PIP5K1B: variants seen among roughly 807,000 people sequenced by gnomAD.
PIP5K1B encodes phosphatidylinositol 4-phosphate 5-kinase type-1 beta.
In PIP5K1B, 42 loss-of-function variants were observed where a neutral mutation model predicts 67.0. That is an observed-to-expected ratio of 0.63 (90% CI 0.49 to 0.81). PIP5K1B has a LOEUF of 0.81. PIP5K1B is among the 30% of genes least tolerant of loss of function. PIP5K1B has a pLI of 0.00. For synonymous variants in PIP5K1B, 214 were observed against 231.4 expected (o/e 0.92, Z 0.68); for missense variants, 459 against 646.3 (o/e 0.71, Z 3.14).
intron 2 of PIP5K1B, among the ~76,000 whole-genome samples, chr9:68,813,325 T>C (rs1251589317): frequency 6.6e-6 from 1 of 152,226 alleles, no homozygotes; most frequent in East Asian, 1.9e-4. Flanking sequence ...GTCCAAATTG[T>C]TCATTAAGAT....
At chr9:68,983,316 C>T (rs1290273188) in intron 14 of PIP5K1B, among the ~76,000 whole-genome samples, 1 of 152,136 alleles carries the variant, frequency 6.6e-6, no homozygotes, top group Non-Finnish European at 1.5e-5. Flanking sequence ...TGTCTGTCCC[C>T]ACCCAGGGAC....
At chr9:68,727,264 G>A (rs1000831036) in intron 1 of PIP5K1B, among the ~76,000 whole-genome samples, 1 of 152,122 alleles carries the variant, frequency 6.6e-6, no homozygotes, top group African/African-American at 2.4e-5. Flanking sequence ...AAAATTTGAA[G>A]AACAGTTACC....
At chr9:68,748,613 C>CTTTTTTTTTTT (rs58954806) in intron 2 of PIP5K1B, among the ~76,000 whole-genome samples, 9 of 98,298 alleles carry the variant, frequency 9.2e-5, no homozygotes, top group East Asian at 2.9e-4. Flanking sequence ...GATTTCTTTT[C>CTTTTTTTTTTT]TTTTTTTTTT....
intron 2 of PIP5K1B, chr9:68,782,407 A>C (rs1027225842): frequency 2.4e-5 from 4 of 166,942 alleles, no homozygotes; most frequent in Admixed American, 6.5e-5. Context: ...TTTAATAAGA[A>C]TAGCAAAAAT....
At chr9:68,949,760 A>G (rs1471911037) in intron 14 of PIP5K1B, among the ~76,000 whole-genome samples, 1 of 152,222 alleles carries the variant, frequency 6.6e-6, no homozygotes, top group Non-Finnish European at 1.5e-5. Context: ...AGATTCAGAG[A>G]GACTCCAGCG....
chr9:68,854,051 A>G (rs1484113790), intron 4 of PIP5K1B, among the ~76,000 whole-genome samples: 2 of 150,476 alleles, frequency 1.3e-5, no homozygotes, highest in African/African-American at 4.9e-5. Flanking sequence ...TATTATTATT[A>G]TTAAGCTGGA....
chr9:68,990,905 G>A (rs567028553), intron 14 of PIP5K1B, among the ~76,000 whole-genome samples: 4 of 152,050 alleles, frequency 2.6e-5, no homozygotes, highest in East Asian at 1.9e-4. Flanking sequence ...CTCGTGATCC[G>A]CCGGCCTCAG....
At chr9:68,995,469 C>T (rs1830563850) in intron 15 of PIP5K1B, among the ~76,000 whole-genome samples, 1 of 152,156 alleles carries the variant, frequency 6.6e-6, no homozygotes, top group Non-Finnish European at 1.5e-5. Context: ...GGGTACAGCT[C>T]ATTGCCCTCC....
intron 2 of PIP5K1B, among the ~76,000 whole-genome samples, chr9:68,767,288 C>T (rs1277485820): frequency 6.6e-6 from 1 of 152,120 alleles, no homozygotes; most frequent in East Asian, 1.9e-4. Context: ...CATAAAATAC[C>T]ATCAGATAGA....
At chr9:68,821,377 A>C (rs1833723201) in intron 3 of PIP5K1B, among the ~76,000 whole-genome samples, 1 of 152,280 alleles carries the variant, frequency 6.6e-6, no homozygotes, top group Admixed American at 6.5e-5. Flanking sequence ...ATAATAGGTA[A>C]AAATCAATAT....
At chr9:68,929,251 G>A (rs1300041462) in intron 12 of PIP5K1B, among the ~76,000 whole-genome samples, 1 of 151,010 alleles carries the variant, frequency 6.6e-6, no homozygotes, top group Non-Finnish European at 1.5e-5. Flanking sequence ...TGCACATATT[G>A]TAATTTTTAT....
At chr9:68,756,401 C>T (rs1002964011) in intron 2 of PIP5K1B, among the ~76,000 whole-genome samples, 2 of 152,216 alleles carry the variant, frequency 1.3e-5, no homozygotes, top group African/African-American at 4.8e-5. Context: ...ATGCAGTCTG[C>T]AGTCTGTGTA....
intron 14 of PIP5K1B, chr9:68,941,053 A>C: frequency 1.8e-6 from 1 of 557,740 alleles, no homozygotes; most frequent in Non-Finnish European, 3.4e-6. Context: ...CAAATCTTTC[A>C]TCATTTTTAT....
intron 15 of PIP5K1B, among the ~76,000 whole-genome samples, chr9:69,004,191 A>C (rs1200008006): frequency 6.6e-6 from 1 of 152,170 alleles, no homozygotes; most frequent in Non-Finnish European, 1.5e-5. Flanking sequence ...TTTAGGCTGA[A>C]ATACTCTACT....
chr9:68,957,532 CT>C (rs1828467050), intron 14 of PIP5K1B, among the ~76,000 whole-genome samples: 1 of 152,168 alleles, frequency 6.6e-6, no homozygotes. Context: ...GACAGAGGAG[CT>C]TTCAGAAATG....
intron 2 of PIP5K1B, among the ~76,000 whole-genome samples, chr9:68,743,926 A>G (rs910779840): frequency 1.3e-5 from 2 of 152,192 alleles, no homozygotes; most frequent in Non-Finnish European, 2.9e-5. Context: ...TTAGGGTGAC[A>G]TCTAAGAAGA....
chr9:68,755,026 T>A (rs1829855206), intron 2 of PIP5K1B, among the ~76,000 whole-genome samples: 1 of 152,268 alleles, frequency 6.6e-6, no homozygotes, highest in African/African-American at 2.4e-5. Flanking sequence ...TACATTTTAT[T>A]GTGTTGCTCT....
chr9:68,790,198 G>A (rs975538563), intron 2 of PIP5K1B, among the ~76,000 whole-genome samples: 2 of 152,156 alleles, frequency 1.3e-5, no homozygotes, highest in African/African-American at 2.4e-5. Flanking sequence ...CTCCCCAGAG[G>A]TAGAGATTTA....
At chr9:68,847,226 G>T (rs533770756) in intron 4 of PIP5K1B, among the ~76,000 whole-genome samples, 1 of 151,604 alleles carries the variant, frequency 6.6e-6, no homozygotes, top group African/African-American at 2.4e-5. Context: ...AAACTGAAGA[G>T]GTCAGTTGGT....
Sources: allele counts gnomAD v4.1 joint callset (sites outside exome capture counted in the v4.1 genomes callset), GRCh38; gene constraint gnomAD v4.1.1; transcripts MANE v1.5; gene names NCBI Gene and HGNC (gene_info 2026-07-23, HGNC 2026-07-21).